The following TNPO1 variants were observed in gnomAD, a reference collection of about 807,000 sequenced individuals.
The protein encoded by TNPO1 is transportin-1.
A neutral mutation model predicts 119.5 loss-of-function variants in TNPO1; 8 were observed. The ratio of observed to expected loss-of-function variants is 0.07; its 90% CI spans 0.04 to 0.12. The LOEUF (loss-of-function observed/expected upper bound fraction) is 0.12, where lower values mean the gene tolerates loss of function less well. Ranked by LOEUF, TNPO1 falls within the 10% of genes least tolerant of loss-of-function variation. The pLI, the probability that TNPO1 is intolerant of heterozygous loss-of-function variation, is 1.00. For synonymous variants in TNPO1, 362 were observed against 363.0 expected (o/e 1.00, Z 0.03); for missense variants, 576 against 1,089.8 (o/e 0.53, Z 6.64).
intron 6 of TNPO1, among the ~76,000 whole-genome samples, chr5:72,867,599 A>G (rs187899990): frequency 1.1e-3 from 172 of 152,342 alleles, no homozygotes; most frequent in African/African-American, 4.0e-3. Context: ...TTTTAATAAC[A>G]TAAGCAATCA....
In TNPO1 at chr5:72,872,769, GAGA is replaced by G. The variant is rs780284681; in HGVS notation, c.678+52_678+54del. The G allele has an allele frequency of 1.0e-5, 12 of 1,151,020 alleles. No individual in the cohort carries two copies. In the Admixed American group the frequency reaches 2.3e-4, roughly 22 times the overall value. The allele number at this position is 1,151,020 out of a possible 1,614,324, so 71.3% of individuals were successfully genotyped here. ...CCCAACCCCCCAGCTTTTTTTTTTTGAGAAGGTTAGGTGATGCTAACTGCATGT... is the reference window on the plus strand; with the variant it reads ...CCCAACCCCCCAGCTTTTTTTTTTTGAGGTTAGGTGATGCTAACTGCATGT... On this transcript the variant is annotated intron_variant, in intron 7 of 24. Coordinates refer to ENST00000337273, the MANE Select transcript of TNPO1 (RefSeq NM_002270.4).
chr5:72,824,049 CTATT>C (rs1371215265), intron 1 of TNPO1, among the ~76,000 whole-genome samples: 1 of 152,192 alleles, frequency 6.6e-6, no homozygotes, highest in Non-Finnish European at 1.5e-5. Context: ...CTCTGGCACT[CTATT>C]TATGAAAGGG....
At chr5:72,856,516 A>T (rs1746012045) in intron 4 of TNPO1, among the ~76,000 whole-genome samples, 1 of 149,376 alleles carries the variant, frequency 6.7e-6, no homozygotes, top group South Asian at 2.1e-4. Flanking sequence ...TACAGGCCTG[A>T]GCCATGGCGC....
At chr5:72,829,111 C>T (rs768988223) in intron 1 of TNPO1, among the ~76,000 whole-genome samples, 4 of 152,128 alleles carry the variant, frequency 2.6e-5, no homozygotes, top group African/African-American at 7.2e-5. Flanking sequence ...GAGTTTGTTT[C>T]AGCTCATAAA....
intron 19 of TNPO1, 74 bp from the exon 20 acceptor site, chr5:72,896,982 C>A: frequency 1.2e-6 from 1 of 824,638 alleles, no homozygotes; most frequent in Non-Finnish European, 1.8e-6. Flanking sequence ...ATACGGGAAG[C>A]AAAATATTTC....
chr5:72,905,695 A>G lies in TNPO1; in HGVS notation c.*35+250A>G, dbSNP rs186871024. The G allele has an allele frequency of 1.6e-3, 320 of 200,392 alleles. 3 individuals carry two copies. The highest frequency in any genetic ancestry group is 7.1e-3 in the African/African-American group (306 of 43,090). 12.4% of individuals were successfully genotyped at this position (200,392 alleles called of 1,614,324 possible). A position where few individuals can be genotyped will look rare whatever the true frequency, so the allele number is the denominator to read the frequency against. On this transcript the variant is annotated intron_variant, in intron 24 of 24. Transcript: ENST00000337273. ...AGGTCATTTGAGGTCAGGAGTTTGA[A>G]ACCAGCCTGGCCAACATGGTGAAAA...
At chr5:72,882,648 C>A in intron 10 of TNPO1, 121 bp downstream of exon 10, 1 of 647,602 alleles carries the variant, frequency 1.5e-6, no homozygotes, top group South Asian at 2.4e-5. Context: ...TTCCTATTAT[C>A]CATAATAGGA....
intron 5 of TNPO1, 35 bp downstream of exon 5, chr5:72,861,949 T>C (rs148233785): frequency 6.6e-7 from 1 of 1,511,100 alleles, no homozygotes; most frequent in East Asian, 2.3e-5. Context: ...ATTGGGTGTT[T>C]TCTGTTTTTC....
intron 6 of TNPO1, among the ~76,000 whole-genome samples, chr5:72,870,589 C>T (rs1747316676): frequency 6.6e-6 from 1 of 152,182 alleles, no homozygotes; most frequent in South Asian, 2.1e-4. Flanking sequence ...ATTTAAGTTA[C>T]ACTTTCTAGT....
intron 2 of TNPO1, among the ~76,000 whole-genome samples, chr5:72,849,737 C>T (rs1417418011): frequency 6.6e-6 from 1 of 152,146 alleles, no homozygotes; most frequent in East Asian, 1.9e-4. Context: ...GAGGAAAGAA[C>T]ACTTTTGGAA....
chr5:72,823,789 G>GA (rs1002793849), intron 1 of TNPO1, among the ~76,000 whole-genome samples: 8 of 151,714 alleles, frequency 5.3e-5, no homozygotes, highest in Non-Finnish European at 1.2e-4. Context: ...AGCATGGCCA[G>GA]AAAAAAAACC....
intron 1 of TNPO1, among the ~76,000 whole-genome samples, chr5:72,846,721 T>A (rs1057139734): frequency 1.3e-5 from 2 of 152,168 alleles, no homozygotes; most frequent in African/African-American, 4.8e-5. Context: ...GCGATCTCTA[T>A]CTTGAGCTGG....
At chr5:72,844,095 C>T (rs986104896) in intron 1 of TNPO1, among the ~76,000 whole-genome samples, 1 of 152,156 alleles carries the variant, frequency 6.6e-6, no homozygotes, top group Non-Finnish European at 1.5e-5. Context: ...CTCTGCCAGG[C>T]AAAGAGAGTG....
At chr5:72,901,159 G>T in intron 22 of TNPO1, 86 bp downstream of exon 22, 2 of 794,692 alleles carry the variant, frequency 2.5e-6, no homozygotes, top group South Asian at 2.7e-5. Context: ...ATTATAAAAA[G>T]TTAACTATTT....
chr5:72,868,289 G>A (rs1460769417), intron 6 of TNPO1, among the ~76,000 whole-genome samples: 6 of 151,806 alleles, frequency 4.0e-5, no homozygotes, highest in African/African-American at 4.8e-5. Context: ...AAAATTAGCC[G>A]GGCATGGTGG....
intron 11 of TNPO1, 46 bp from the exon 12 acceptor site, chr5:72,887,024 G>GT: frequency 6.6e-7 from 1 of 1,523,720 alleles, no homozygotes; most frequent in Non-Finnish European, 8.9e-7. Flanking sequence ...TAATATATAA[G>GT]TAATAAGAGG....
intron 20 of TNPO1, 84 bp downstream of exon 20, chr5:72,897,235 TA>T: frequency 1.1e-6 from 1 of 904,090 alleles, no homozygotes. Context: ...AAAGCAAAAC[TA>T]GCTTTTAAAA....
chr5:72,897,179 A>AT, intron 20 of TNPO1, 28 bp downstream of exon 20: 1 of 1,530,530 alleles, frequency 6.5e-7, no homozygotes, highest in Non-Finnish European at 8.9e-7. Context: ...TGTTTCAGTG[A>AT]AGAGAAAATT....
At chr5:72,840,870 T>G (rs1414519469) in intron 1 of TNPO1, among the ~76,000 whole-genome samples, 1 of 152,216 alleles carries the variant, frequency 6.6e-6, no homozygotes, top group Non-Finnish European at 1.5e-5. Flanking sequence ...ACAATAACTT[T>G]GTAATGCCAG....
Sources: allele counts gnomAD v4.1 joint callset (sites outside exome capture counted in the v4.1 genomes callset), GRCh38; gene constraint gnomAD v4.1.1; transcripts MANE v1.5; gene names NCBI Gene and HGNC (gene_info 2026-07-23, HGNC 2026-07-21).